Variants in POU2F1 observed in about 807,000 individuals in gnomAD.
POU2F1 encodes the protein POU class 2 homeobox 1.
In POU2F1, 16 loss-of-function variants were observed where a neutral mutation model predicts 84.9. That is an observed-to-expected ratio of 0.19 (90% confidence interval 0.13 to 0.29). The LOEUF is 0.29. Among genes scored for constraint, POU2F1 ranks in the 10% least tolerant of loss-of-function variants. POU2F1 has a pLI of 1.00. For missense variants in POU2F1, 738 were observed against 942.6 expected (o/e 0.78, Z 2.84); for synonymous variants, 368 against 368.3 (o/e 1.00, Z 0.01).
intron 1 of POU2F1, among the ~76,000 whole-genome samples, chr1:167,269,709 T>G (rs561955672): frequency 3.5e-4 from 54 of 152,290 alleles, no homozygotes; most frequent in African/African-American, 1.2e-3. Context: ...GATTAGGAGT[T>G]TGAGACCAGC....
intron 1 of POU2F1, among the ~76,000 whole-genome samples, chr1:167,240,842 T>G (rs553436516): frequency 5.0e-4 from 76 of 152,188 alleles, no homozygotes; most frequent in African/African-American, 1.7e-3. Flanking sequence ...CCTTGTTCTG[T>G]AATGAAATTA....
intron 6 of POU2F1, 97 bp downstream of exon 6, chr1:167,374,393 C>T (rs576394105): frequency 5.5e-4 from 647 of 1,182,116 alleles, no homozygotes; most frequent in Non-Finnish European, 7.0e-4. Context: ...TAGTGTGGGG[C>T]CTTAACTGCC....
intron 1 of POU2F1, among the ~76,000 whole-genome samples, chr1:167,259,909 C>T (rs191934540): frequency 4.6e-5 from 7 of 151,416 alleles, no homozygotes; most frequent in South Asian, 2.1e-4. Context: ...GACAGAGTCT[C>T]GCTCTGTCGC....
At chr1:167,392,538 A>G (rs1648499467) in intron 9 of POU2F1, among the ~76,000 whole-genome samples, 1 of 152,164 alleles carries the variant, frequency 6.6e-6, no homozygotes, top group African/African-American at 2.4e-5. Context: ...AAAGATGTTA[A>G]GGCTTTTAAA....
At chr1:167,321,895 TAATA>T (rs1002503013) in intron 1 of POU2F1, among the ~76,000 whole-genome samples, 3 of 152,208 alleles carry the variant, frequency 2.0e-5, no homozygotes, top group African/African-American at 7.2e-5. Flanking sequence ...CCCATTGCTG[TAATA>T]AATCTCTCCC....
At chr1:167,331,902 A>G (rs1396065124) in intron 1 of POU2F1, among the ~76,000 whole-genome samples, 2 of 152,078 alleles carry the variant, frequency 1.3e-5, no homozygotes, top group African/African-American at 4.8e-5. Context: ...TATGAATTTA[A>G]TATGTTCTCA....
rs184872469 is a variant in POU2F1, at chr1:167,288,500, G to A, written c.62-43970G>A. Among the ~76,000 whole-genome samples, 4 of 152,178 alleles carry A rather than the reference G, an allele frequency of 2.6e-5. No homozygotes were observed. The East Asian group carries it at 5.8e-4, about 22-fold the overall frequency. On this transcript the variant is annotated intron_variant, in intron 1 of 15. Transcript: ENST00000367866. ...GCTCAGGAGTTCGAGTCTAGCCCAG[G>A]CAACATAATGAGGCCCCATCTCTAC...
chr1:167,280,043 T>C (rs1557865092), intron 1 of POU2F1, among the ~76,000 whole-genome samples: 1 of 152,030 alleles, frequency 6.6e-6, no homozygotes, highest in Non-Finnish European at 1.5e-5. Context: ...CCGTTTTTAC[T>C]GAAAATACAA....
rs540715438 is a variant in POU2F1 at position 167,422,595 on chromosome 1, A to C, written c.*6785A>C. On this transcript the variant is annotated 3_prime_UTR_variant, in exon 16 of 16. Transcript: ENST00000367866. ...TTGGTGGGAACATGAATGAGAAATG[A>C]TGCTGGCTTAGGAAAAATCACAAGC... The C allele has an allele frequency of 6.6e-6, 1 of 152,344 alleles. No individual in the cohort carries two copies. Among genetic ancestry groups the C allele is most frequent in the South Asian group, 2.1e-4 (1 of 4,824 alleles). The allele number at this position is 152,344 out of a possible 1,614,324, so 9.4% of individuals were successfully genotyped here.
intron 1 of POU2F1, among the ~76,000 whole-genome samples, chr1:167,240,771 C>T (rs532864055): frequency 5.1e-4 from 77 of 152,290 alleles, no homozygotes; most frequent in South Asian, 2.1e-3. Context: ...GGTTTGCCAA[C>T]GTTATTTCTA....
intron 2 of POU2F1, among the ~76,000 whole-genome samples, chr1:167,361,642 G>T (rs1056505259): frequency 2.0e-5 from 3 of 151,860 alleles, no homozygotes; most frequent in Admixed American, 6.6e-5. Flanking sequence ...TTTTTTTGTT[G>T]TATCATTGCC....
chr1:167,375,810 A>G (rs1262343320), intron 6 of POU2F1, among the ~76,000 whole-genome samples: 8 of 152,222 alleles, frequency 5.3e-5, no homozygotes, highest in Admixed American at 2.6e-4. Context: ...TCATAACAAT[A>G]TATGTCAGTC....
chr1:167,329,189 A>G, intron 1 of POU2F1: 1 of 1,514,712 alleles, frequency 6.6e-7, no homozygotes, highest in South Asian at 1.2e-5. Context: ...TAGATTTGTT[A>G]GAAATAGTAG....
At position 167,277,418 on chromosome 1, in the gene POU2F1, A is replaced by G. The variant is rs1215687365; in HGVS notation, c.62-55052A>G. Among the ~76,000 whole-genome samples the G allele has an allele frequency of 2.6e-5, 4 of 151,880 alleles. No homozygotes were observed. The East Asian group carries it at 7.8e-4, about 29-fold the overall frequency. On this transcript the variant is annotated intron_variant, in intron 1 of 15. Transcript: ENST00000367866. ...AACTAAAGATCAGGTAAAACCAGCC[A>G]GTTCCTGAGCTGGAATTGAATCTGT...
intron 1 of POU2F1, among the ~76,000 whole-genome samples, chr1:167,322,033 G>A (rs981567953): frequency 5.3e-5 from 8 of 152,192 alleles, no homozygotes; most frequent in Non-Finnish European, 1.0e-4. Context: ...CTCCAACTAT[G>A]TTAAATTGAG....
At chr1:167,343,209 G>A (rs1323699684) in intron 2 of POU2F1, among the ~76,000 whole-genome samples, 1 of 152,172 alleles carries the variant, frequency 6.6e-6, no homozygotes, top group Non-Finnish European at 1.5e-5. Context: ...GTGCGAATAG[G>A]AAGTGACATC....
chr1:167,370,730 G>A (rs1191814182), intron 4 of POU2F1, among the ~76,000 whole-genome samples: 1 of 152,150 alleles, frequency 6.6e-6, no homozygotes, highest in Non-Finnish European at 1.5e-5. Context: ...CTTAAGTGGG[G>A]ACATTTATAA....
chr1:167,299,072 A>G (rs1450527415), intron 1 of POU2F1, among the ~76,000 whole-genome samples: 13 of 151,282 alleles, frequency 8.6e-5, no homozygotes, highest in Admixed American at 8.6e-4. Flanking sequence ...CTGAGGCAGG[A>G]GAATCACTTG....
chr1:167,292,299 C>T (rs1044554898), intron 1 of POU2F1, among the ~76,000 whole-genome samples: 2 of 151,946 alleles, frequency 1.3e-5, no homozygotes, highest in Admixed American at 6.6e-5. Flanking sequence ...CTTATTGGTG[C>T]AATTTTTAAT....
Sources: gnomAD v4.1 joint callset for allele counts (sites outside exome capture counted in the v4.1 genomes callset) on GRCh38, gnomAD v4.1.1 for gene constraint, MANE v1.5 for transcripts, NCBI Gene and HGNC (gene_info 2026-07-23, HGNC 2026-07-21) for gene names.